Variants in RIMKLB observed in about 807,000 individuals in gnomAD.
RIMKLB encodes ribosomal modification protein rimK like family member B, also known as beta-citrylglutamate synthase B.
A neutral mutation model predicts 32.0 loss-of-function variants in RIMKLB; 7 were observed. The ratio of observed to expected loss-of-function variants is 0.22; its 90% confidence interval spans 0.12 to 0.41. The LOEUF is 0.41. Ranked by LOEUF, RIMKLB falls within the 10% of genes least tolerant of loss-of-function variation. The pLI is 1.00. For missense variants in RIMKLB, 289 were observed against 498.7 expected (o/e 0.58, Z 4.00); for synonymous variants, 172 against 185.1 (o/e 0.93, Z 0.57).
At chr12:8,674,514 T>G in the RIMKLB span, among the ~76,000 whole-genome samples, 1 of 151,728 alleles carries the variant, frequency 6.6e-6, no homozygotes, top group Admixed American at 6.6e-5. Flanking sequence ...GCTGGGATTA[T>G]AGGCGTGAGC....
the RIMKLB span, among the ~76,000 whole-genome samples, chr12:8,669,181 G>C: frequency 6.6e-6 from 1 of 152,116 alleles, no homozygotes; most frequent in African/African-American, 2.4e-5. Flanking sequence ...GGATGAAGGG[G>C]AAGGGGAGCT....
At chr12:8,755,530 A>G (rs1485872086) in intron 5 of RIMKLB, among the ~76,000 whole-genome samples, 1 of 152,120 alleles carries the variant, frequency 6.6e-6, no homozygotes, top group African/African-American at 2.4e-5. Context: ...TCTACTCAGA[A>G]TGTTTCCAAA....
At position 8,776,846 on chromosome 12, in the gene RIMKLB, T is replaced by C. The variant is rs1950756516; in HGVS notation, c.*3062T>C. 4 of 985,830 alleles carry C rather than the reference T, an allele frequency of 4.1e-6. No individual in the cohort carries two copies. In the African/African-American group the frequency reaches 7.0e-5, roughly 17 times the overall value. The allele number at this position is 985,830 out of a possible 1,614,324, so 61.1% of individuals were successfully genotyped here. Reference sequence around the variant, plus strand: ...CACATTATCAGACTTTGAGAACATATTGAAGGCATTGACTTTGAAAATCAT... The same window carrying C: ...CACATTATCAGACTTTGAGAACATACTGAAGGCATTGACTTTGAAAATCAT... On this transcript the variant is annotated 3_prime_UTR_variant, in exon 6 of 6. Transcript: ENST00000535829.
chr12:8,744,428 C>T lies in RIMKLB; in HGVS notation c.176-5434C>T, dbSNP rs1411302553. ...TGGAACAGTTTTTTGCTTTCTTTAT[C>T]CCATTTTTAAAAAGGAGCAAAAGCT... On this transcript the variant is annotated intron_variant, in intron 2 of 5. Coordinates refer to ENST00000535829, the MANE Select transcript of RIMKLB (RefSeq NM_001297776.2). 1.3e-5 allele frequency among the ~76,000 whole-genome samples: 2 copies of T among 151,786 alleles called. 1 individual carries two copies. The highest frequency in any genetic ancestry group is 4.9e-5 in the African/African-American group (2 of 41,098).
At chr12:8,703,583 T>A (rs768029758) in intron 1 of RIMKLB, among the ~76,000 whole-genome samples, 1 of 152,258 alleles carries the variant, frequency 6.6e-6, no homozygotes, top group South Asian at 2.1e-4. Flanking sequence ...TTCAGCCTCC[T>A]AAAGTGTTGA....
Position 8,775,772 on chromosome 12 carries a change from A to T in RIMKLB, c.*1988A>T. The T allele has an allele frequency of 1.0e-6, 1 of 985,440 alleles. No individual in the cohort carries two copies. The highest frequency in any genetic ancestry group is 1.2e-6 in the Non-Finnish European group (1 of 829,624). 61.0% of individuals were successfully genotyped at this position (985,440 alleles called of 1,614,324 possible). On this transcript the variant is annotated 3_prime_UTR_variant, in exon 6 of 6. Coordinates refer to ENST00000535829, the MANE Select transcript of RIMKLB (RefSeq NM_001297776.2). ...ATAGAATAGTACCTCTCATCTGTGC[A>T]GTGTCTCATTTCACCTCAGAGAAAA...
At chr12:8,766,575 G>A (rs1045045057) in intron 5 of RIMKLB, among the ~76,000 whole-genome samples, 3 of 152,170 alleles carry the variant, frequency 2.0e-5, no homozygotes, top group Non-Finnish European at 2.9e-5. Flanking sequence ...CAAACAGCTC[G>A]CAGGTTTGAG....
chr12:8,748,586 T>C (rs1948347596), intron 2 of RIMKLB, among the ~76,000 whole-genome samples: 1 of 148,768 alleles, frequency 6.7e-6, no homozygotes, highest in Non-Finnish European at 1.5e-5. Context: ...AAAATTTATA[T>C]TCATACACAA....
upstream of RIMKLB, among the ~76,000 whole-genome samples, chr12:8,681,338 T>C (rs1490675821): frequency 4.6e-5 from 7 of 152,026 alleles, no homozygotes; most frequent in Admixed American, 3.3e-4. Flanking sequence ...AAAAAAAATA[T>C]GTTGAATAAG....
intron 2 of RIMKLB, among the ~76,000 whole-genome samples, chr12:8,743,585 G>A (rs1281570303): frequency 6.6e-6 from 1 of 151,622 alleles, no homozygotes; most frequent in African/African-American, 2.4e-5. Flanking sequence ...AAAAACAGAA[G>A]TTTATGGTAG....
At chr12:8,770,868 A>G (rs990442615) in intron 5 of RIMKLB, among the ~76,000 whole-genome samples, 1 of 152,208 alleles carries the variant, frequency 6.6e-6, no homozygotes, top group Admixed American at 6.5e-5. Context: ...AACTGGCTTC[A>G]AGTTGGGGTT....
At chr12:8,739,936 CT>C (rs1947346527) in intron 2 of RIMKLB, among the ~76,000 whole-genome samples, 1 of 152,120 alleles carries the variant, frequency 6.6e-6, no homozygotes, top group African/African-American at 2.4e-5. Flanking sequence ...CAGACAGGGT[CT>C]CGCTCTGTCA....
At chr12:8,723,129 G>A (rs80249200) in intron 2 of RIMKLB, among the ~76,000 whole-genome samples, 1 of 152,198 alleles carries the variant, frequency 6.6e-6, no homozygotes, top group Non-Finnish European at 1.5e-5. Flanking sequence ...TTTCTGGCCT[G>A]TCTCACCTTT....
chr12:8,713,824 C>T lies in RIMKLB; in HGVS notation c.-43C>T. 6.2e-7 allele frequency: 1 copy of T among 1,604,042 alleles called. No individual in the cohort carries two copies. The highest frequency in any genetic ancestry group is 8.5e-7 in the Non-Finnish European group (1 of 1,170,938). On this transcript the variant is annotated 5_prime_UTR_variant, in exon 2 of 6. Coordinates refer to ENST00000535829, the MANE Select transcript of RIMKLB (RefSeq NM_001297776.2). ...TCTTCCATCTAGGTAGACGTTACAT[C>T]CAAGAGGAAATAATCCAGGCAAGGA...
At chr12:8,715,004 G>A (rs1944688991) in intron 2 of RIMKLB, among the ~76,000 whole-genome samples, 1 of 152,144 alleles carries the variant, frequency 6.6e-6, no homozygotes, top group Non-Finnish European at 1.5e-5. Context: ...TATCTGCCAT[G>A]GTAGGATAAT....
intron 5 of RIMKLB, among the ~76,000 whole-genome samples, chr12:8,763,062 G>C (rs998738214): frequency 6.6e-6 from 1 of 152,186 alleles, no homozygotes; most frequent in African/African-American, 2.4e-5. Context: ...GTCTCTTTTA[G>C]CAGTGAGTAT....
intron 2 of RIMKLB, among the ~76,000 whole-genome samples, chr12:8,746,685 A>C (rs1948126085): frequency 6.6e-6 from 1 of 151,998 alleles, no homozygotes; most frequent in Non-Finnish European, 1.5e-5. Flanking sequence ...GGCAAACCTC[A>C]CATCTGCTGA....
the RIMKLB span, among the ~76,000 whole-genome samples, chr12:8,674,471 C>A: frequency 4.6e-5 from 7 of 151,774 alleles, no homozygotes; most frequent in African/African-American, 1.7e-4. Flanking sequence ...GATCTCCTGA[C>A]CTTGTGATCC....
At chr12:8,680,867 C>T (rs1007710545), upstream of RIMKLB, among the ~76,000 whole-genome samples, 1 of 152,148 alleles carries the variant, frequency 6.6e-6, no homozygotes, top group Non-Finnish European at 1.5e-5. Context: ...GAAAGGTCTT[C>T]TAAAAAGTTT....
Sources: allele counts gnomAD v4.1 joint callset (sites outside exome capture counted in the v4.1 genomes callset), GRCh38; gene constraint gnomAD v4.1.1; transcripts MANE v1.5; gene names NCBI Gene and HGNC (gene_info 2026-07-23, HGNC 2026-07-21).